ZNF235: variants seen among roughly 807,000 people sequenced by gnomAD.
ZNF235 encodes the protein zfp-93.
In ZNF235, 25 loss-of-function variants were observed where a neutral mutation model predicts 29.4. The observed-to-expected ratio is 0.85, with a 90% confidence interval of 0.62 to 1.19. The LOEUF is 1.19. Among genes scored for constraint, ZNF235 ranks in the 50% most tolerant of loss-of-function variants. ZNF235 has a pLI of 0.00. For missense variants in ZNF235, 788 were observed against 885.0 expected, an observed-to-expected ratio of 0.89 and a Z score of 1.39; for synonymous variants, 300 against 295.3, an observed-to-expected ratio of 1.02 and a Z score of -0.16.
Position 44,288,393 on chromosome 19 carries a change from T to C in ZNF235, c.1042A>G (p.Thr348Ala), listed in dbSNP as rs1407905393. ...QRVHTGEKPY[T>A]CHECGKSFNQ... ...AAGCTCTTACCACACTCGTGGCATG[T>C]ATAGGGTTTCTCCCCTGTGTGGACT... is the stretch of plus-strand genomic sequence containing the variant. The change falls in exon 5 of 5, where the codon ACA becomes GCA. Residue 348 changes from threonine to alanine, a missense_variant. By Grantham distance (58) the Thr-to-Ala change is moderately conservative (BLOSUM62 0). Coordinates refer to ENST00000291182, the MANE Select transcript of ZNF235 (RefSeq NM_004234.4). The C allele has an allele frequency of 1.9e-6, 3 of 1,614,178 alleles. No individual in the cohort carries two copies. In the South Asian group the frequency reaches 3.3e-5, roughly 18 times the overall value.
intron 4 of ZNF235, among the ~76,000 whole-genome samples, chr19:44,291,119 C>T (rs1599887723): frequency 6.6e-6 from 1 of 152,136 alleles, no homozygotes; most frequent in South Asian, 2.1e-4. Flanking sequence ...TTCAGGTGCA[C>T]ATGGAACATA....
intron 4 of ZNF235, among the ~76,000 whole-genome samples, chr19:44,298,291 T>C (rs1302812111): frequency 6.6e-6 from 1 of 151,772 alleles, no homozygotes; most frequent in Non-Finnish European, 1.5e-5. Context: ...AGGCAAACAT[T>C]ATACAGCCTT....
intron 4 of ZNF235, among the ~76,000 whole-genome samples, chr19:44,293,126 G>A (rs184508441): frequency 6.6e-6 from 1 of 152,062 alleles, no homozygotes; most frequent in African/African-American, 2.4e-5. Flanking sequence ...AGACACAAAA[G>A]TATAAAACTT....
chr19:44,287,137 T>C lies in ZNF235; in HGVS notation c.*81A>G. The stretch of plus-strand genomic sequence containing the variant: ...TTGAAGCTTCTAGTTTTAAAGGAAC[T>C]TTTCACAATCATCAGCATGGACTTC... On this transcript the variant is annotated 3_prime_UTR_variant, in exon 5 of 5. Coordinates refer to ENST00000291182, the MANE Select transcript of ZNF235 (RefSeq NM_004234.4). 1 of 1,421,820 alleles carries C rather than the reference T, an allele frequency of 7.0e-7. No individual in the cohort carries two copies. Among genetic ancestry groups the C allele is most frequent in the Non-Finnish European group, 9.4e-7 (1 of 1,063,054 alleles). 88.1% of individuals were successfully genotyped at this position (1,421,820 alleles called of 1,614,324 possible). A position where few individuals can be genotyped will look rare whatever the true frequency, so the allele number is the denominator to read the frequency against.
At position 44,288,900 on chromosome 19, in the gene ZNF235, C is replaced by T; in HGVS notation, c.535G>A (p.Val179Ile). 1 of 1,614,012 alleles carries T rather than the reference C, an allele frequency of 6.2e-7. No individual in the cohort carries two copies. Among genetic ancestry groups the T allele is most frequent in the Non-Finnish European group, 8.5e-7 (1 of 1,179,970 alleles). ...IENQEFPTGK[V>I]PNSWSKIYLN... ...TATATTTTACTCCAAGAATTCGGAA[C>T]TTTCCCAGTTGGAAATTCTTGATTT... Residue 179 changes from valine (V) to isoleucine (I), a missense_variant, in exon 5 of 5, where the codon GTT becomes ATT. Val to Ile is a conservative substitution (Grantham distance 29, BLOSUM62 3). Transcript: ENST00000291182.
chr19:44,296,575 T>C (rs1018432507), intron 4 of ZNF235, among the ~76,000 whole-genome samples: 3 of 152,120 alleles, frequency 2.0e-5, no homozygotes, highest in African/African-American at 7.2e-5. Flanking sequence ...ACAAAGGACA[T>C]AAGCAATTTT....
At position 44,298,687 on chromosome 19, in the gene ZNF235, C is replaced by T. The variant is rs149351459; in HGVS notation, c.238+121G>A. On this transcript the variant is annotated intron_variant, in intron 4 of 4. Coordinates refer to ENST00000291182, the MANE Select transcript of ZNF235 (RefSeq NM_004234.4). ...CTGGGATTAGAGGCTTGAGCCATCG[C>T]GCCCAACCATGACAGATGTTTTTTA... The T allele has an allele frequency of 3.9e-4, 285 of 728,720 alleles. No homozygotes were observed. In the African/African-American group the frequency reaches 4.1e-3, roughly 10 times the overall value. 45.1% of individuals were successfully genotyped at this position (728,720 alleles called of 1,614,324 possible). A position where few individuals can be genotyped will look rare whatever the true frequency, so the allele number is the denominator to read the frequency against.
At chr19:44,301,484 CTTTT>C (rs1264932198) in intron 2 of ZNF235, among the ~76,000 whole-genome samples, 2 of 136,814 alleles carry the variant, frequency 1.5e-5, no homozygotes, top group South Asian at 4.6e-4. Context: ...TTTTTTTTTT[CTTTT>C]TTGAGACAGT....
intron 2 of ZNF235, among the ~76,000 whole-genome samples, chr19:44,302,527 C>T (rs1007120039): frequency 4.6e-5 from 7 of 151,682 alleles, no homozygotes; most frequent in South Asian, 2.1e-4. Context: ...TGTTAGGCCA[C>T]GGCAGGAGGA....
In ZNF235 at chr19:44,298,830, T is replaced by G. The variant is rs1230710682; in HGVS notation, c.216A>C (p.Gln72His). The G allele has an allele frequency of 1.2e-6, 2 of 1,613,878 alleles. No homozygotes were observed. The highest frequency in any genetic ancestry group is 2.7e-5 in the African/African-American group (2 of 74,946). ...REEKLWMKEL[Q>H]TQRGKHSGDR... Reference sequence around the variant, plus strand: ...CACCTGAATGCTTACCTCTTTGGGTTTGAAGCTCCTTCATCCAAAGCTTTT... The same window carrying G: ...CACCTGAATGCTTACCTCTTTGGGTGTGAAGCTCCTTCATCCAAAGCTTTT... The change falls in exon 4 of 5, where the codon CAA becomes CAC. Residue 72 changes from glutamine to histidine, a missense_variant. Physicochemically the swap from Gln to His is conservative, Grantham distance 24 (BLOSUM62 0). Coordinates refer to ENST00000291182, the MANE Select transcript of ZNF235 (RefSeq NM_004234.4).
At chr19:44,293,537 A>C (rs2123096676) in intron 4 of ZNF235, among the ~76,000 whole-genome samples, 1 of 152,244 alleles carries the variant, frequency 6.6e-6, no homozygotes, top group African/African-American at 2.4e-5. Flanking sequence ...ATCAACAAAG[A>C]AACACTGGAC....
chr19:44,291,481 C>T (rs1439915674), intron 4 of ZNF235, among the ~76,000 whole-genome samples: 1 of 152,010 alleles, frequency 6.6e-6, no homozygotes, highest in Non-Finnish European at 1.5e-5. Context: ...AAACAAATAG[C>T]TAGTTCTTTG....
chr19:44,293,001 C>T (rs1321140893), intron 4 of ZNF235, among the ~76,000 whole-genome samples: 1 of 151,974 alleles, frequency 6.6e-6, no homozygotes, highest in African/African-American at 2.4e-5. Context: ...GAAAAATAAG[C>T]CTTCCCCAAA....
At position 44,288,797 on chromosome 19, in the gene ZNF235, T is replaced by C; in HGVS notation, c.638A>G (p.Tyr213Cys). ...TGAAATACAACTGAAAATGTCAACA[T>C]ATGGAGCAAATATACATAGTTTGTT... ...MKNKLCIFAP[Y>C]VDIFSCISHH... The change falls in exon 5 of 5, where the codon TAT becomes TGT. Residue 213 changes from tyrosine to cysteine, a missense_variant. Physicochemically the swap from Tyr to Cys is radical, Grantham distance 194 (BLOSUM62 -2). Transcript: ENST00000291182. The C allele has an allele frequency of 1.9e-6, 3 of 1,613,770 alleles. No homozygotes were observed. Among genetic ancestry groups the C allele is most frequent in the Non-Finnish European group, 2.5e-6 (3 of 1,179,840 alleles).
chr19:44,293,073 G>A (rs1488197065), intron 4 of ZNF235, among the ~76,000 whole-genome samples: 1 of 152,048 alleles, frequency 6.6e-6, no homozygotes. Flanking sequence ...GCTCAAGTGA[G>A]TTCTAACCAT....
chr19:44,297,382 G>T (rs77566333), intron 4 of ZNF235: 8,862 of 155,442 alleles, frequency 0.057, 308 homozygotes, highest in South Asian at 0.085. Context: ...CAGGGAGGAG[G>T]ACCCTCCCCA....
rs1975495055 is a variant in ZNF235 at position 44,287,054 on chromosome 19, A to G, written c.*164T>C. The G allele has an allele frequency of 3.0e-6, 2 of 668,850 alleles. No homozygotes were observed. The highest frequency in any genetic ancestry group is 4.8e-6 in the Non-Finnish European group (2 of 419,386). 41.4% of individuals were successfully genotyped at this position (668,850 alleles called of 1,614,324 possible). A position where few individuals can be genotyped will look rare whatever the true frequency, so the allele number is the denominator to read the frequency against. On this transcript the variant is annotated 3_prime_UTR_variant, in exon 5 of 5. Transcript: ENST00000291182. ...GAAATATGACGTTTGTAAAGAATTC[A>G]TGTCCTAACCAAGTCTAAAACACAG... is the stretch of plus-strand genomic sequence containing the variant.
chr19:44,295,125 T>TG (rs1185708134), intron 4 of ZNF235, among the ~76,000 whole-genome samples: 1 of 152,028 alleles, frequency 6.6e-6, no homozygotes, highest in East Asian at 1.9e-4. Context: ...CAATCTAAAT[T>TG]GGAAAAGAGT....
rs1345673213 is a variant in ZNF235, at chr19:44,303,459, GA to G, written c.-48-8del. 6.3e-7 allele frequency: 1 copy of G among 1,599,752 alleles called. No homozygotes were observed. Among genetic ancestry groups the G allele is most frequent in the East Asian group, 2.3e-5 (1 of 44,152 alleles). ...GAGTTCCGGGGAAGTGAACCTGAGG[GA>G]GGGAAAGGCATCATGAGATAGGTTA... is the stretch of plus-strand genomic sequence containing the variant. On this transcript the variant is annotated splice_polypyrimidine_tract_variant and splice_region_variant and intron_variant, in intron 1 of 4. Coordinates refer to ENST00000291182, the MANE Select transcript of ZNF235 (RefSeq NM_004234.4).
Sources: gnomAD v4.1 joint callset for allele counts (sites outside exome capture counted in the v4.1 genomes callset) on GRCh38, gnomAD v4.1.1 for gene constraint, MANE v1.5 for transcripts, NCBI Gene and HGNC (gene_info 2026-07-23, HGNC 2026-07-21) for gene names.